The following ADH1C variants were observed in gnomAD, a reference collection of about 807,000 sequenced individuals.
ADH1C encodes alcohol dehydrogenase 1C (class I), gamma polypeptide.
A neutral mutation model predicts 35.0 loss-of-function variants in ADH1C; 26 were observed. The ratio of observed to expected loss-of-function variants is 0.74; its 90% CI spans 0.54 to 1.03. The LOEUF is 1.03. ADH1C is among the 50% of genes least tolerant of loss of function. The pLI is 0.00. For missense variants in ADH1C, 413 were observed against 465.4 expected (o/e 0.89, Z 1.04); for synonymous variants, 170 against 169.3 (o/e 1.00, Z -0.03).
At chr4:99,343,646 A>AC (rs1360115791) in intron 5 of ADH1C, among the ~76,000 whole-genome samples, 2 of 152,240 alleles carry the variant, frequency 1.3e-5, no homozygotes, top group African/African-American at 4.8e-5. Context: ...ACACTTGTGA[A>AC]CAACACAGCA....
intron 5 of ADH1C, among the ~76,000 whole-genome samples, chr4:99,343,742 G>C (rs367670488): frequency 4.6e-5 from 7 of 152,258 alleles, no homozygotes; most frequent in African/African-American, 1.7e-4. Flanking sequence ...GGCTCACTTA[G>C]ACTACCCATT....
At chr4:99,339,531 CTA>C in intron 8 of ADH1C, 44 bp downstream of exon 8, 2 of 1,205,808 alleles carry the variant, frequency 1.7e-6, no homozygotes, top group Non-Finnish European at 2.2e-6. Context: ...CCCCCCGCCG[CTA>C]CTGTAGAATA....
chr4:99,338,439 A>G lies in ADH1C; in HGVS notation c.1103+1138T>C, dbSNP rs1734334167. ...TATATATATATATATATATATATAT[A>G]TATATACACACTCTTGAGGGGTGGT... is the stretch of plus-strand genomic sequence containing the variant. On this transcript the variant is annotated intron_variant, in intron 8 of 8. Coordinates refer to ENST00000515683, the MANE Select transcript of ADH1C (RefSeq NM_000669.5). 3.4e-5 allele frequency among the ~76,000 whole-genome samples: 2 copies of G among 58,056 alleles called. 1 individual carries two copies. The highest frequency in any genetic ancestry group is 7.7e-4 in the East Asian group (2 of 2,588). The allele number at this position is 58,056 out of a possible 152,430, so 38.1% of individuals were successfully genotyped here.
intron 1 of ADH1C, among the ~76,000 whole-genome samples, chr4:99,351,514 CTTTT>C (rs1462693815): frequency 6.6e-6 from 1 of 152,134 alleles, no homozygotes; most frequent in Non-Finnish European, 1.5e-5. Flanking sequence ...CTCATTATTT[CTTTT>C]AAGTCGAGTT....
intron 8 of ADH1C, among the ~76,000 whole-genome samples, chr4:99,337,683 A>T (rs1285264436): frequency 1.3e-5 from 2 of 152,100 alleles, no homozygotes; most frequent in Non-Finnish European, 2.9e-5. Context: ...GCTAAAAAAA[A>T]TCTGTAATCT....
Position 99,340,655 on chromosome 4 carries a change from A to G in ADH1C, c.884T>C (p.Val295Ala), listed in dbSNP as rs1020582861. The change falls in exon 7 of 9, where the codon GTA becomes GCA. Residue 295 changes from valine (V) to alanine (A), a missense_variant. By Grantham distance (64) the Val-to-Ala change is moderately conservative. Coordinates refer to ENST00000515683, the MANE Select transcript of ADH1C (RefSeq NM_000669.5). ...EACGTSVIVG[V>A]PPDSQNLSIN... is the part of the protein sequence containing the mutation. ...TGAGAGGTTCTGGGAATCAGGAGGT[A>G]CCCCTACAATGACACTTGTGCCACA... 2.5e-6 allele frequency: 4 copies of G among 1,613,288 alleles called. No individual in the cohort carries two copies. Among genetic ancestry groups the G allele is most frequent in the Non-Finnish European group, 3.4e-6 (4 of 1,180,036 alleles).
intron 1 of ADH1C, among the ~76,000 whole-genome samples, chr4:99,348,480 T>C (rs1282399807): frequency 6.6e-6 from 1 of 151,322 alleles, no homozygotes; most frequent in Non-Finnish European, 1.5e-5. Flanking sequence ...GGCTGCATAG[T>C]ATTCCATGGT....
rs990695208 is a variant in ADH1C at position 99,347,292 on chromosome 4, A to C, written c.121-148T>G. ...TACTATTCCCAAATATGAAAGATTC[A>C]GTTTATCTCCAAGGTTATCCAGTCT... On this transcript the variant is annotated intron_variant, in intron 2 of 8. Transcript: ENST00000515683. 5.0e-6 allele frequency: 5 copies of C among 1,008,066 alleles called. No individual in the cohort carries two copies. In the Admixed American group the frequency reaches 9.2e-5, roughly 18 times the overall value. 62.4% of individuals were successfully genotyped at this position (1,008,066 alleles called of 1,614,324 possible).
rs1267357148 is a variant in ADH1C, at chr4:99,336,680, C to T, written c.*72G>A. On this transcript the variant is annotated 3_prime_UTR_variant, in exon 9 of 9. Transcript: ENST00000515683. ...TGAAGAGCAGAATTAATGATATTTC[C>T]TAGCTGTTGCTCCAGATCATGTAGG... 1 of 1,541,124 alleles carries T rather than the reference C, an allele frequency of 6.5e-7. No individual in the cohort carries two copies. The highest frequency in any genetic ancestry group is 1.4e-5 in the African/African-American group (1 of 73,312).
chr4:99,342,180 G>T (rs576465595), intron 6 of ADH1C, among the ~76,000 whole-genome samples: 5 of 152,126 alleles, frequency 3.3e-5, no homozygotes, highest in Non-Finnish European at 7.3e-5. Flanking sequence ...TAACTTTTGC[G>T]GGTGGTAAAA....
chr4:99,345,502 T>TA (rs1318937326), intron 3 of ADH1C, among the ~76,000 whole-genome samples: 2 of 152,180 alleles, frequency 1.3e-5, no homozygotes, highest in African/African-American at 4.8e-5. Context: ...CAAGATGGAT[T>TA]AAAAAAATTC....
intron 5 of ADH1C, among the ~76,000 whole-genome samples, chr4:99,344,041 T>G (rs1025581599): frequency 6.6e-6 from 1 of 152,198 alleles, no homozygotes; most frequent in Non-Finnish European, 1.5e-5. Flanking sequence ...TTTGTGACTG[T>G]GGTTTAAAAG....
At position 99,339,576 on chromosome 4, in the gene ADH1C, C is replaced by A; in HGVS notation, c.1103+1G>T. 1 of 1,497,598 alleles carries A rather than the reference C, an allele frequency of 6.7e-7. No homozygotes were observed. The highest frequency in any genetic ancestry group is 9.0e-7 in the Non-Finnish European group (1 of 1,111,086). 92.8% of individuals were successfully genotyped at this position (1,497,598 alleles called of 1,614,324 possible). On this transcript the variant is annotated splice_donor_variant, in intron 8 of 8. Transcript: ENST00000515683. LOFTEE classifies it high-confidence loss of function. ...AAACAAAAAAACAACTTAAAATCTA[C>A]CTCTTTCCAGAGCGAAGCAGGTCAA...
In ADH1C at chr4:99,336,697, T is replaced by A; in HGVS notation, c.*55A>T. On this transcript the variant is annotated 3_prime_UTR_variant, in exon 9 of 9. Transcript: ENST00000515683. ...GATATTTCCTAGCTGTTGCTCCAGA[T>A]CATGTAGGGTAGAGGAGGCTGAAAA... The A allele has an allele frequency of 1.3e-6, 2 of 1,589,574 alleles. No individual in the cohort carries two copies. Among genetic ancestry groups the A allele is most frequent in the Non-Finnish European group, 1.7e-6 (2 of 1,158,014 alleles).
In ADH1C at chr4:99,336,520, G is replaced by T. The variant is rs1560534607; in HGVS notation, c.*232C>A. The T allele has an allele frequency of 8.6e-6, 5 of 583,328 alleles. No individual in the cohort carries two copies. The East Asian group carries it at 1.5e-4, about 17-fold the overall frequency. 36.1% of individuals were successfully genotyped at this position (583,328 alleles called of 1,614,324 possible). ...AATGGTTAAGAAGGAAGGTTTATTG[G>T]CTTCAATTCCCCAGTTGATGTTCAA... is the stretch of plus-strand genomic sequence containing the variant. On this transcript the variant is annotated 3_prime_UTR_variant, in exon 9 of 9. Transcript: ENST00000515683.
chr4:99,347,052 G>A lies in ADH1C; in HGVS notation c.213C>T (p.Ala71=), dbSNP rs757625289. The stretch of plus-strand genomic sequence containing the variant: ...CTTCTCCAACACTTTCCACGATGCC[G>A]GCTGCCTCATGGCCTAAAATCACAG... ...PLPVILGHEA[A]GIVESVGEGV... Residue 71 remains alanine, a synonymous_variant, in exon 3 of 9, where the codon GCC becomes GCT. Transcript: ENST00000515683. 14 of 1,613,890 alleles carry A rather than the reference G, an allele frequency of 8.7e-6. No individual in the cohort carries two copies. Among genetic ancestry groups the A allele is most frequent in the African/African-American group, 4.0e-5 (3 of 74,868 alleles).
At chr4:99,347,500 C>A (rs1734564310) in intron 2 of ADH1C, among the ~76,000 whole-genome samples, 1 of 152,090 alleles carries the variant, frequency 6.6e-6, no homozygotes, top group African/African-American at 2.4e-5. Flanking sequence ...TGATATATAT[C>A]CCTTTGCATT....
intron 6 of ADH1C, 26 bp from the exon 7 acceptor site, chr4:99,340,736 C>T (rs764182634): frequency 1.2e-6 from 2 of 1,611,908 alleles, no homozygotes; most frequent in South Asian, 1.1e-5. Context: ...CATTTAGTAT[C>T]CTTAACGTGG....
chr4:99,340,064 C>T (rs930946191), intron 7 of ADH1C, among the ~76,000 whole-genome samples: 1 of 152,108 alleles, frequency 6.6e-6, no homozygotes, highest in Non-Finnish European at 1.5e-5. Context: ...CTTACGCAGT[C>T]ACAAGTACAA....
Sources: allele counts gnomAD v4.1 joint callset (sites outside exome capture counted in the v4.1 genomes callset), GRCh38; gene constraint gnomAD v4.1.1; transcripts MANE v1.5; gene names NCBI Gene and HGNC (gene_info 2026-07-23, HGNC 2026-07-21).